The following ANAPC5 variants were observed in gnomAD, a reference collection of about 807,000 sequenced individuals.
The protein encoded by ANAPC5 is anaphase promoting complex subunit 5, also known as anaphase-promoting complex subunit 5.
A neutral mutation model predicts 91.3 loss-of-function variants in ANAPC5; 60 were observed. The ratio of observed to expected loss-of-function variants is 0.66; its 90% CI spans 0.53 to 0.81. The LOEUF is 0.81. Ranked by LOEUF, ANAPC5 falls within the 40% of genes least tolerant of loss-of-function variation. The pLI is 0.00. For missense variants in ANAPC5, 690 were observed against 931.5 expected (o/e 0.74, Z 3.37); for synonymous variants, 340 against 364.1 (o/e 0.93, Z 0.75).
intron 11 of ANAPC5, among the ~76,000 whole-genome samples, chr12:121,323,465 C>T (rs1902697271): frequency 6.6e-6 from 1 of 152,106 alleles, no homozygotes; most frequent in African/African-American, 2.4e-5. Context: ...GCTGGAACTA[C>T]AGGCATGTGC....
intron 11 of ANAPC5, among the ~76,000 whole-genome samples, chr12:121,325,226 G>A (rs183439072): frequency 6.6e-6 from 1 of 152,300 alleles, no homozygotes; most frequent in Admixed American, 6.5e-5. Flanking sequence ...ACTCTGGGAG[G>A]CCAAGGCAGG....
chr12:121,321,959 G>T (rs1343251866), intron 11 of ANAPC5, among the ~76,000 whole-genome samples: 1 of 148,562 alleles, frequency 6.7e-6, no homozygotes, highest in African/African-American at 2.5e-5. Flanking sequence ...TCTGCCTCCC[G>T]CGTTCAAGCG....
chr12:121,311,783 T>C (rs1902176392), intron 15 of ANAPC5, among the ~76,000 whole-genome samples: 1 of 152,106 alleles, frequency 6.6e-6, no homozygotes, highest in African/African-American at 2.4e-5. Flanking sequence ...CAGTGAGCCA[T>C]GATTGTGCCA....
chr12:121,331,682 G>A (rs1038840162), intron 7 of ANAPC5: 7 of 271,906 alleles, frequency 2.6e-5, no homozygotes, highest in East Asian at 6.3e-5. Context: ...TTTTATCTCC[G>A]CTTCTAAGAT....
intron 10 of ANAPC5, 160 bp downstream of exon 10, chr12:121,328,156 C>CA (rs1245653002): frequency 3.8e-5 from 26 of 678,464 alleles, no homozygotes; most frequent in Non-Finnish European, 6.2e-5. Context: ...TCAGTCTGTG[C>CA]AAAATACAAA....
chr12:121,347,029 T>G, intron 2 of ANAPC5, 24 bp from the exon 3 acceptor site: 5 of 1,505,330 alleles, frequency 3.3e-6, no homozygotes, highest in Non-Finnish European at 4.6e-6. Flanking sequence ...TCGAGGTGCA[T>G]ATTTTAGAAA....
At chr12:121,308,915 G>A (rs977136121) in intron 16 of ANAPC5, among the ~76,000 whole-genome samples, 20 of 152,054 alleles carry the variant, frequency 1.3e-4, no homozygotes, top group African/African-American at 4.6e-4. Context: ...TTGGGAGGCC[G>A]AGGCGGGTGG....
chr12:121,345,734 A>C (rs1179576905), intron 4 of ANAPC5, 105 bp downstream of exon 4: 1 of 1,206,440 alleles, frequency 8.3e-7, no homozygotes, highest in Non-Finnish European at 1.2e-6. Flanking sequence ...GGAAGGGTAA[A>C]AAGGGCATAA....
intron 12 of ANAPC5, 98 bp from the exon 13 acceptor site, chr12:121,319,916 A>C (rs1902527752): frequency 1.7e-6 from 2 of 1,173,316 alleles, no homozygotes; most frequent in Non-Finnish European, 2.3e-6. Flanking sequence ...ATATCCTTAC[A>C]ATAATTCACA....
In ANAPC5 at chr12:121,330,612, C is replaced by A; in HGVS notation, c.1093G>T (p.Val365Leu). The change falls in exon 9 of 17, where the codon GTG (valine) becomes TTG (leucine). Residue 365 changes from valine (V) to leucine (L), a missense_variant. By Grantham distance (32) the Val-to-Leu change is conservative (BLOSUM62 1). Around this residue, in one of 5 missense-constraint regions of ANAPC5, gnomAD observed 36 missense variants for 27.6 expected, o/e 1.30. Transcript: ENST00000261819. ...AACCCAAAATGTACTGCCTTCTTCACAGAATGCTCCAGCAGAACATAGCTA... is the reference window on the plus strand; with the variant it reads ...AACCCAAAATGTACTGCCTTCTTCAAAGAATGCTCCAGCAGAACATAGCTA... The part of the protein sequence containing the change: ...SDSYVLLEHS[V>L]KKAVHFGLPY... 1 of 1,614,058 alleles carries A rather than the reference C, an allele frequency of 6.2e-7. No homozygotes were observed.
intron 11 of ANAPC5, among the ~76,000 whole-genome samples, chr12:121,326,202 T>C (rs1902811086): frequency 6.6e-6 from 1 of 152,182 alleles, no homozygotes; most frequent in Non-Finnish European, 1.5e-5. Context: ...TAGGGAAGTA[T>C]GTCTAGACTT....
intron 7 of ANAPC5, 45 bp from the exon 8 acceptor site, chr12:121,331,473 A>T: frequency 6.7e-7 from 1 of 1,497,566 alleles, no homozygotes; most frequent in Non-Finnish European, 9.3e-7. Context: ...AATCACAAAC[A>T]TGCATAAGCA....
At chr12:121,347,776 T>A (rs782255870) in intron 2 of ANAPC5, 26 bp downstream of exon 2, 1 of 1,554,804 alleles carries the variant, frequency 6.4e-7, no homozygotes, top group East Asian at 2.2e-5. Flanking sequence ...CACCTTTTCA[T>A]ATATAAAGAA....
chr12:121,315,367 C>T (rs532957597), intron 15 of ANAPC5, among the ~76,000 whole-genome samples: 1 of 152,188 alleles, frequency 6.6e-6, no homozygotes, highest in Non-Finnish European at 1.5e-5. Flanking sequence ...GTTCTCCAAA[C>T]TGACCTACAG....
At chr12:121,327,568 C>G (rs1479951294) in intron 10 of ANAPC5, 1 of 277,400 alleles carries the variant, frequency 3.6e-6, no homozygotes, top group Admixed American at 5.6e-5. Flanking sequence ...CATCCTGGCA[C>G]AGACTGCTCT....
rs950102574 is a variant in ANAPC5, at chr12:121,315,596, T to G, written c.1893+2681A>C. Among the ~76,000 whole-genome samples, 33 of 152,176 alleles carry G rather than the reference T, an allele frequency of 2.2e-4. 1 individual carries two copies. Among genetic ancestry groups the G allele is most frequent in the African/African-American group, 7.7e-4 (32 of 41,446 alleles). On this transcript the variant is annotated intron_variant, in intron 15 of 16. Coordinates refer to ENST00000261819, the MANE Select transcript of ANAPC5 (RefSeq NM_016237.5). ...AAGGGTAACATATAGATCAAGGGAA[T>G]AGAATTGAGAGTCCGAAAATAAACC...
chr12:121,343,623 A>AGCAGTTAATGG (rs1903543614), intron 4 of ANAPC5, among the ~76,000 whole-genome samples: 4 of 152,210 alleles, frequency 2.6e-5, no homozygotes, highest in African/African-American at 9.6e-5. Context: ...AGTTAATGGT[A>AGCAGTTAATGG]CTATTATCCT....
rs958157559 is a variant in ANAPC5, at chr12:121,318,610, T to C, written c.1638-2A>G. 3 of 1,611,350 alleles carry C rather than the reference T, an allele frequency of 1.9e-6. No individual in the cohort carries two copies. Among genetic ancestry groups the C allele is most frequent in the African/African-American group, 1.3e-5 (1 of 74,856 alleles). On this transcript the variant is annotated splice_acceptor_variant, in intron 13 of 16. Coordinates refer to ENST00000261819, the MANE Select transcript of ANAPC5 (RefSeq NM_016237.5). LOFTEE classifies it high-confidence loss of function. ...TGAGCTTGTAATACAACCGCTTTCCTGAAACAGAATCAAAATGAACACAAG... is the reference window on the plus strand; with the variant it reads ...TGAGCTTGTAATACAACCGCTTTCCCGAAACAGAATCAAAATGAACACAAG...
chr12:121,337,253 C>T (rs782523287), intron 6 of ANAPC5, 38 bp downstream of exon 6: 16 of 1,549,164 alleles, frequency 1.0e-5, no homozygotes, highest in Non-Finnish European at 1.4e-5. Flanking sequence ...CCTTGTCATT[C>T]CTTTCCAACA....
Sources: allele counts gnomAD v4.1 joint callset (sites outside exome capture counted in the v4.1 genomes callset), GRCh38; gene constraint gnomAD v4.1.1; regional missense constraint gnomAD v4.1.1; transcripts MANE v1.5; gene names NCBI Gene and HGNC (gene_info 2026-07-23, HGNC 2026-07-21).